Variants in ZNF24 observed in about 807,000 individuals in gnomAD.
ZNF24 encodes the protein retinoic acid suppression protein A.
A neutral mutation model predicts 40.9 loss-of-function variants in ZNF24; 11 were observed. The ratio of observed to expected loss-of-function variants is 0.27; its 90% CI spans 0.17 to 0.45. The LOEUF is 0.45. Ranked by LOEUF, ZNF24 falls within the 20% of genes least tolerant of loss-of-function variation. The probability of loss-of-function intolerance (pLI) is 1.00; values close to 1 mark genes in which losing one functional copy is unlikely to be tolerated. For missense variants in ZNF24, 293 were observed against 437.7 expected, an observed-to-expected ratio of 0.67 and a Z score of 2.95; for synonymous variants, 139 against 154.7, an observed-to-expected ratio of 0.90 and a Z score of 0.75.
intron 3 of ZNF24, chr18:35,338,008 C>T (rs967704734): frequency 2.0e-6 from 1 of 489,336 alleles, no homozygotes; most frequent in East Asian, 4.4e-5. Context: ...AAATGGTAGT[C>T]AGAAAACAAA....
chr18:35,337,599 C>T lies in ZNF24; in HGVS notation c.740G>A (p.Arg247Gln), dbSNP rs369480225. 25 of 1,613,918 alleles carry T rather than the reference C, an allele frequency of 1.5e-5. No homozygotes were observed. Among genetic ancestry groups the T allele is most frequent in the Middle Eastern group, 1.6e-4 (1 of 6,084 alleles). Residue 247 changes from arginine (R) to glutamine (Q), a missense_variant, in exon 4 of 4, where the codon CGA (arginine) becomes CAA (glutamine). This residue lies in a region of ZNF24 where 234 missense variants were observed against 299.2 expected (regional missense o/e 0.78). Transcript: ENST00000261332. The part of the protein sequence containing the change: ...GRFERKRNPS[R>Q]KKQHICDECG... ...TTCATCACATATATGTTGTTTCTTT[C>T]GAGAGGGATTTCTCTTTCTTTCAAA...
In ZNF24 at chr18:35,335,525, T is replaced by A. The variant is rs2044898407; in HGVS notation, c.*1707A>T. 1 of 152,160 alleles carries A rather than the reference T, an allele frequency of 6.6e-6. No homozygotes were observed. The highest frequency in any genetic ancestry group is 1.5e-5 in the Non-Finnish European group (1 of 68,040). 9.4% of individuals were successfully genotyped at this position (152,160 alleles called of 1,614,324 possible). On this transcript the variant is annotated 3_prime_UTR_variant, in exon 4 of 4. Coordinates refer to ENST00000261332, the MANE Select transcript of ZNF24 (RefSeq NM_006965.4). Reference sequence around the variant, plus strand: ...TCTCACCTTCCATTTTTAAACTTGATCCAAGCACCAGATATAACCAAAATC... The same window carrying A: ...TCTCACCTTCCATTTTTAAACTTGAACCAAGCACCAGATATAACCAAAATC...
chr18:35,334,077 C>T lies in ZNF24; in HGVS notation c.*3155G>A, dbSNP rs1370995911. Reference sequence around the variant, plus strand: ...CAACCACAGGTGTCAGCTGTTAACACATTATTGATTAAATAAGTATATGCC... The same window carrying T: ...CAACCACAGGTGTCAGCTGTTAACATATTATTGATTAAATAAGTATATGCC... On this transcript the variant is annotated 3_prime_UTR_variant, in exon 4 of 4. Transcript: ENST00000261332. 6.6e-6 allele frequency: 1 copy of T among 151,958 alleles called. No homozygotes were observed. The highest frequency in any genetic ancestry group is 1.9e-4 in the East Asian group (1 of 5,190). The allele number at this position is 151,958 out of a possible 1,614,324, so 9.4% of individuals were successfully genotyped here.
intron 3 of ZNF24, chr18:35,338,688 T>G: frequency 9.2e-7 from 1 of 1,088,200 alleles, no homozygotes; most frequent in Non-Finnish European, 1.1e-6. Flanking sequence ...ACTGAAAGGT[T>G]AGAGGAGGAT....
intron 1 of ZNF24, chr18:35,342,622 T>C (rs1174037276): frequency 6.6e-6 from 1 of 152,194 alleles, no homozygotes; most frequent in Non-Finnish European, 1.5e-5. Context: ...TAGCATTGTG[T>C]TACAATTCTC....
chr18:35,339,745 C>G, intron 3 of ZNF24, 84 bp downstream of exon 3: 1 of 1,263,024 alleles, frequency 7.9e-7, no homozygotes, highest in Non-Finnish European at 1.1e-6. Flanking sequence ...TATGATCCCC[C>G]CACCAGTGAG....
chr18:35,338,996 T>C, intron 3 of ZNF24: 3 of 1,534,814 alleles, frequency 2.0e-6, no homozygotes, highest in Non-Finnish European at 2.6e-6. Flanking sequence ...CACTGTCCCC[T>C]CAGATGTGAA....
chr18:35,343,568 A>C (rs2044988523), intron 1 of ZNF24, among the ~76,000 whole-genome samples: 1 of 152,250 alleles, frequency 6.6e-6, no homozygotes, highest in African/African-American at 2.4e-5. Context: ...GACTAGAATC[A>C]GAAAAGGCCT....
In ZNF24 at chr18:35,336,346, A is replaced by AT. The variant is rs2044909563; in HGVS notation, c.*885dup. 6.6e-6 allele frequency: 1 copy of AT among 152,504 alleles called. No homozygotes were observed. Among genetic ancestry groups the AT allele is most frequent in the Admixed American group, 6.5e-5 (1 of 15,274 alleles). The allele number at this position is 152,504 out of a possible 1,614,324, so 9.4% of individuals were successfully genotyped here. A position where few individuals can be genotyped will look rare whatever the true frequency, so the allele number is the denominator to read the frequency against. On this transcript the variant is annotated 3_prime_UTR_variant, in exon 4 of 4. Transcript: ENST00000261332. Reference sequence around the variant, plus strand: ...TGAAGGCAAAATAATGATGAACTCTATCATCTTTTTCTAAAAGCCATGACA... The same window carrying AT: ...TGAAGGCAAAATAATGATGAACTCTATTCATCTTTTTCTAAAAGCCATGACA...
At position 35,333,606 on chromosome 18, in the gene ZNF24, T is replaced by C. The variant is rs894018807; in HGVS notation, c.*3626A>G. The C allele has an allele frequency of 1.3e-5, 2 of 152,230 alleles. No individual in the cohort carries two copies. The highest frequency in any genetic ancestry group is 4.8e-5 in the African/African-American group (2 of 41,464). The allele number at this position is 152,230 out of a possible 1,614,324, so 9.4% of individuals were successfully genotyped here. A position where few individuals can be genotyped will look rare whatever the true frequency, so the allele number is the denominator to read the frequency against. The stretch of plus-strand genomic sequence containing the variant: ...TCAAAGAAAAGAAAGAAATTTTGCC[T>C]ACCAGATTGGCAAAAATTTTTAAGG... On this transcript the variant is annotated 3_prime_UTR_variant, in exon 4 of 4. Coordinates refer to ENST00000261332, the MANE Select transcript of ZNF24 (RefSeq NM_006965.4).
intron 1 of ZNF24, among the ~76,000 whole-genome samples, chr18:35,341,526 C>T (rs2044968397): frequency 6.6e-6 from 1 of 152,084 alleles, no homozygotes; most frequent in African/African-American, 2.4e-5. Context: ...TGCAAAATGG[C>T]CTCAGGCAGG....
In ZNF24 at chr18:35,340,624, A is replaced by T; in HGVS notation, c.27T>A (p.Asp9Glu). Residue 9 changes from aspartate (D) to glutamate (E), a missense_variant, in exon 2 of 4, where the codon GAT becomes GAA. Asp to Glu is a conservative substitution (Grantham distance 45, BLOSUM62 2). Around this residue, in one of 2 missense-constraint regions of ZNF24, gnomAD observed 234 missense variants for 299.2 expected, o/e 0.78. Coordinates refer to ENST00000261332, the MANE Select transcript of ZNF24 (RefSeq NM_006965.4). The surrounding 1 kb of genome is among the most constrained non-coding windows in gnomAD (Gnocchi z 4.6). MSAQSVEE[D>E]SILIIPTPDE... ...CTGGAGTTGGGATGATAAGTATTGA[A>T]TCTTCTTCCACTGACTGTGCAGACA... is the stretch of plus-strand genomic sequence containing the variant. The T allele has an allele frequency of 6.2e-7, 1 of 1,613,768 alleles. No homozygotes were observed. The highest frequency in any genetic ancestry group is 8.5e-7 in the Non-Finnish European group (1 of 1,180,028).
rs760340578 is a variant in ZNF24 at position 35,334,318 on chromosome 18, T to G, written c.*2914A>C. The G allele has an allele frequency of 1.3e-5, 2 of 152,168 alleles. No individual in the cohort carries two copies. The highest frequency in any genetic ancestry group is 2.4e-5 in the African/African-American group (1 of 41,446). The allele number at this position is 152,168 out of a possible 1,614,324, so 9.4% of individuals were successfully genotyped here. A position where few individuals can be genotyped will look rare whatever the true frequency, so the allele number is the denominator to read the frequency against. ...GTCCCTGGAGTCTACAGAACCAGAT[T>G]TGAATTTTATCTCTAGGCCACATGC... On this transcript the variant is annotated 3_prime_UTR_variant, in exon 4 of 4. Coordinates refer to ENST00000261332, the MANE Select transcript of ZNF24 (RefSeq NM_006965.4).
At chr18:35,342,823 C>T (rs1017531346) in intron 1 of ZNF24, 1 of 152,222 alleles carries the variant, frequency 6.6e-6, no homozygotes, top group Non-Finnish European at 1.5e-5. Flanking sequence ...TTATGCATGA[C>T]CTTATTTACT....
rs561266993 is a variant in ZNF24, at chr18:35,334,720, G to C, written c.*2512C>G. The stretch of plus-strand genomic sequence containing the variant: ...CTCCCCCAAATTTCTATGATTATCT[G>C]TGTGGGTAATGAATGTGTGGATGGA... On this transcript the variant is annotated 3_prime_UTR_variant, in exon 4 of 4. Coordinates refer to ENST00000261332, the MANE Select transcript of ZNF24 (RefSeq NM_006965.4). 1 of 152,334 alleles carries C rather than the reference G, an allele frequency of 6.6e-6. No individual in the cohort carries two copies. Among genetic ancestry groups the C allele is most frequent in the Admixed American group, 6.5e-5 (1 of 15,306 alleles). 9.4% of individuals were successfully genotyped at this position (152,334 alleles called of 1,614,324 possible). A position where few individuals can be genotyped will look rare whatever the true frequency, so the allele number is the denominator to read the frequency against.
chr18:35,341,751 G>A (rs1465527136), intron 1 of ZNF24, among the ~76,000 whole-genome samples: 1 of 152,148 alleles, frequency 6.6e-6, no homozygotes, highest in African/African-American at 2.4e-5. Context: ...AGGTGCAATG[G>A]TTCACACCTG....
At chr18:35,338,826 G>A (rs2044938049) in intron 3 of ZNF24, 18 of 1,346,044 alleles carry the variant, frequency 1.3e-5, no homozygotes, top group Non-Finnish European at 1.6e-5. Context: ...CAGGTGAAAA[G>A]TCACTCTAAA....
chr18:35,338,815 G>A lies in ZNF24; in HGVS notation c.568+1014C>T, dbSNP rs9948360. 2.7e-3 allele frequency: 3,545 copies of A among 1,337,298 alleles called. 66 individuals are homozygous for A. In the African/African-American group the frequency reaches 0.046, roughly 17 times the overall value. The allele number at this position is 1,337,298 out of a possible 1,614,324, so 82.8% of individuals were successfully genotyped here. ...AGACTAGACAGCTGAAATAAGGAACGCAGGTGAAAAGTCACTCTAAAATTC... is the reference window on the plus strand; with the variant it reads ...AGACTAGACAGCTGAAATAAGGAACACAGGTGAAAAGTCACTCTAAAATTC... On this transcript the variant is annotated intron_variant, in intron 3 of 3. Coordinates refer to ENST00000261332, the MANE Select transcript of ZNF24 (RefSeq NM_006965.4).
At position 35,335,122 on chromosome 18, in the gene ZNF24, T is replaced by G. The variant is rs1172720873; in HGVS notation, c.*2110A>C. On this transcript the variant is annotated 3_prime_UTR_variant, in exon 4 of 4. Coordinates refer to ENST00000261332, the MANE Select transcript of ZNF24 (RefSeq NM_006965.4). ...GAGAGGTTGCTCCCTTCTTACCTAC[T>G]CTGATACAAGAATTCTGTCATTCCA... The G allele has an allele frequency of 2.0e-5, 3 of 152,168 alleles. No homozygotes were observed. The highest frequency in any genetic ancestry group is 6.5e-5 in the Admixed American group (1 of 15,276). The allele number at this position is 152,168 out of a possible 1,614,324, so 9.4% of individuals were successfully genotyped here.
Sources: allele counts gnomAD v4.1 joint callset (sites outside exome capture counted in the v4.1 genomes callset), GRCh38; gene constraint gnomAD v4.1.1; regional missense constraint gnomAD v4.1.1; non-coding constraint Gnocchi (gnomAD v3.1); transcripts MANE v1.5; gene names NCBI Gene and HGNC (gene_info 2026-07-23, HGNC 2026-07-21).